Variants in MACROD2 observed in about 807,000 individuals in gnomAD.
MACROD2 encodes the protein mono-ADP ribosylhydrolase 2.
Under a neutral mutation model 70.4 loss-of-function variants are expected in MACROD2, and 36 were observed. That is an observed-to-expected ratio of 0.51 (90% CI 0.39 to 0.68). The LOEUF (loss-of-function observed/expected upper bound fraction) is 0.68, where lower values mean the gene tolerates loss of function less well. Ranked by LOEUF, MACROD2 falls within the 30% of genes least tolerant of loss-of-function variation. MACROD2 has a pLI of 0.00. For missense variants in MACROD2, 496 were observed against 538.4 expected, an observed-to-expected ratio of 0.92 and a Z score of 0.78; for synonymous variants, 172 against 178.8, an observed-to-expected ratio of 0.96 and a Z score of 0.30.
At chr20:14,402,163 C>A (rs1290605800) in intron 3 of MACROD2, among the ~76,000 whole-genome samples, 1 of 152,130 alleles carries the variant, frequency 6.6e-6, no homozygotes, top group Non-Finnish European at 1.5e-5. Context: ...TCAGTGTCTT[C>A]TGGCTTTAAT....
At chr20:15,710,920 G>A (rs1319182996) in intron 8 of MACROD2, among the ~76,000 whole-genome samples, 1 of 152,160 alleles carries the variant, frequency 6.6e-6, no homozygotes, top group East Asian at 1.9e-4. Context: ...CATGAGCAAA[G>A]TTTTCTTTTC....
intron 5 of MACROD2, among the ~76,000 whole-genome samples, chr20:14,746,499 T>C (rs1009748515): frequency 2.6e-5 from 4 of 152,286 alleles, no homozygotes; most frequent in African/African-American, 7.2e-5. Context: ...GATGTTTGTA[T>C]TGAGAAAGTA....
intron 3 of MACROD2, among the ~76,000 whole-genome samples, chr20:14,091,673 C>G (rs1479324212): frequency 6.6e-6 from 1 of 151,946 alleles, no homozygotes; most frequent in Non-Finnish European, 1.5e-5. Context: ...AGCATGTAAT[C>G]TTTTAAGGTT....
intron 4 of MACROD2, among the ~76,000 whole-genome samples, chr20:14,660,238 T>C (rs962012323): frequency 6.6e-6 from 1 of 152,220 alleles, no homozygotes; most frequent in African/African-American, 2.4e-5. Flanking sequence ...AGCCTATGTT[T>C]TTCTAGAGAA....
rs910619391 is a variant in MACROD2, at chr20:14,498,241, C to T, written c.301+4733C>T. Among the ~76,000 whole-genome samples, 5 of 148,472 alleles carry T rather than the reference C, an allele frequency of 3.4e-5. No homozygotes were observed. The South Asian group carries it at 1.0e-3, about 31-fold the overall frequency. ...CAAAATCTCAGCCTTTGCCATTACA[C>T]AATTCATCCATGTAACCATAAAACA... On this transcript the variant is annotated intron_variant, in intron 4 of 17. Transcript: ENST00000684519.
chr20:14,187,638 A>G (rs975344129), intron 3 of MACROD2, among the ~76,000 whole-genome samples: 2 of 152,184 alleles, frequency 1.3e-5, no homozygotes, highest in African/African-American at 4.8e-5. Flanking sequence ...GTTAAATATG[A>G]CATAAAGCAG....
chr20:15,598,268 A>G lies in MACROD2; in HGVS notation c.645+98421A>G, dbSNP rs544494763. Among the ~76,000 whole-genome samples, 5 of 152,328 alleles carry G rather than the reference A, an allele frequency of 3.3e-5. No homozygotes were observed. The East Asian group carries it at 9.6e-4, about 29-fold the overall frequency. On this transcript the variant is annotated intron_variant, in intron 8 of 17. Transcript: ENST00000684519. Reference sequence around the variant, plus strand: ...TGTGAAATACTGTATCTAGTGACTTAAAGTATCTTTAAGACACTTCATTTC... The same window carrying G: ...TGTGAAATACTGTATCTAGTGACTTGAAGTATCTTTAAGACACTTCATTTC...
intron 8 of MACROD2, among the ~76,000 whole-genome samples, chr20:15,676,389 C>CCATGA (rs770032701): frequency 3.1e-4 from 47 of 152,196 alleles, no homozygotes; most frequent in Non-Finnish European, 4.4e-4. Flanking sequence ...TTCTAGCAAG[C>CCATGA]TAGATTAATA....
intron 2 of MACROD2, among the ~76,000 whole-genome samples, chr20:14,084,507 T>C (rs2148668701): frequency 6.6e-6 from 1 of 152,360 alleles, no homozygotes; most frequent in African/African-American, 2.4e-5. Flanking sequence ...TTTTTATGAA[T>C]AGCAATTCAA....
chr20:15,665,731 C>T (rs772364743), intron 8 of MACROD2, among the ~76,000 whole-genome samples: 6 of 152,070 alleles, frequency 3.9e-5, no homozygotes, highest in Non-Finnish European at 7.4e-5. Flanking sequence ...TTGAAGTGTC[C>T]CATTCCCTTA....
At chr20:14,548,093 G>A (rs907470104) in intron 4 of MACROD2, among the ~76,000 whole-genome samples, 6 of 152,174 alleles carry the variant, frequency 3.9e-5, no homozygotes, top group Non-Finnish European at 8.8e-5. Flanking sequence ...GCAAAGCCAC[G>A]TCGCAAAGGG....
chr20:15,904,862 A>G (rs994129765), intron 10 of MACROD2, among the ~76,000 whole-genome samples: 1 of 149,378 alleles, frequency 6.7e-6, no homozygotes, highest in African/African-American at 2.5e-5. Context: ...GCCTGCGCGA[A>G]AGAGAGAGAC....
chr20:14,913,078 C>T (rs914773789), intron 5 of MACROD2, among the ~76,000 whole-genome samples: 3 of 152,078 alleles, frequency 2.0e-5, no homozygotes, highest in South Asian at 2.1e-4. Context: ...TGTGCACATG[C>T]GTGTATGTGT....
rs530923837 is a variant in MACROD2, at chr20:14,875,620, T to C, written c.418+190661T>C. ...AGCTTAGTACCCAATAGGTAGTTTT[T>C]CAGCCTTTACTCTTCTTTTTCTCCC... On this transcript the variant is annotated intron_variant, in intron 5 of 17. Transcript: ENST00000684519. Among the ~76,000 whole-genome samples the C allele has an allele frequency of 2.7e-3, 409 of 152,240 alleles. 2 individuals carry two copies. The highest frequency in any genetic ancestry group is 9.3e-3 in the African/African-American group (385 of 41,546).
chr20:14,560,308 T>TATAC (rs1724540893), intron 4 of MACROD2, among the ~76,000 whole-genome samples: 1 of 147,350 alleles, frequency 6.8e-6, no homozygotes, highest in African/African-American at 2.5e-5. Context: ...GTACTTAATG[T>TATAC]ACACACACAC....
At chr20:14,560,467 T>G (rs1317198018) in intron 4 of MACROD2, among the ~76,000 whole-genome samples, 1 of 151,844 alleles carries the variant, frequency 6.6e-6, no homozygotes, top group African/African-American at 2.4e-5. Context: ...TGTGGTTGGA[T>G]ATAAGAAAGT....
At chr20:15,641,919 G>C (rs1685394862) in intron 8 of MACROD2, among the ~76,000 whole-genome samples, 1 of 152,130 alleles carries the variant, frequency 6.6e-6, no homozygotes, top group Non-Finnish European at 1.5e-5. Flanking sequence ...CCATGAAACA[G>C]TAAAACTCAT....
At chr20:14,178,754 G>C (rs891945683) in intron 3 of MACROD2, among the ~76,000 whole-genome samples, 1 of 120,628 alleles carries the variant, frequency 8.3e-6, no homozygotes. Flanking sequence ...TTTTTTGACC[G>C]TAGTGAGGAG....
At chr20:15,212,649 G>C (rs1290659826) in intron 5 of MACROD2, among the ~76,000 whole-genome samples, 5 of 152,218 alleles carry the variant, frequency 3.3e-5, no homozygotes, top group Admixed American at 1.3e-4. Flanking sequence ...TGCAGTTGGT[G>C]TGAGTCTGGT....
Sources: gnomAD v4.1 joint callset for allele counts (sites outside exome capture counted in the v4.1 genomes callset) on GRCh38, gnomAD v4.1.1 for gene constraint, MANE v1.5 for transcripts, NCBI Gene and HGNC (gene_info 2026-07-23, HGNC 2026-07-21) for gene names.